The following NRAP variants were observed in gnomAD, a reference collection of about 807,000 sequenced individuals.
NRAP encodes the protein nebulin-related-anchoring protein.
In NRAP, 189 loss-of-function variants were observed where a neutral mutation model predicts 225.9. The observed-to-expected ratio is 0.84, with a 90% CI of 0.74 to 0.94. The LOEUF (loss-of-function observed/expected upper bound fraction) is 0.94, where lower values mean the gene tolerates loss of function less well. Among genes scored for constraint, NRAP ranks in the 40% least tolerant of loss-of-function variants. NRAP has a pLI of 0.00. For synonymous variants in NRAP, 769 were observed against 790.7 expected, an observed-to-expected ratio of 0.97 and a Z score of 0.46; for missense variants, 2,176 against 2,168.7, an observed-to-expected ratio of 1.00 and a Z score of -0.07.
rs562981864 is a variant in NRAP at position 113,661,104 on chromosome 10, A to G, written c.255+1575T>C. 2.0e-5 allele frequency among the ~76,000 whole-genome samples: 3 copies of G among 152,310 alleles called. No individual in the cohort carries two copies. The East Asian group carries it at 5.8e-4, about 29-fold the overall frequency. On this transcript the variant is annotated intron_variant, in intron 3 of 41. Transcript: ENST00000359988. ...CACCAAGAGATGAAAACAAAGTCCT[A>G]AAAGAATTAGGCTTCTCAGTAACCT... is the stretch of plus-strand genomic sequence containing the variant.
Position 113,597,179 on chromosome 10 carries a change from C to A in NRAP, c.4338G>T (p.Lys1446Asn). ...KKAGELISET[K>N]YRKKPDSIKF... ...TGATACTGTCTGGTTTTTTACGGTA[C>A]TTGGTCTATAAGATAAAGACAAAGA... Residue 1446 changes from lysine (K) to asparagine (N), a missense_variant, in exon 37 of 42, where the codon AAG becomes AAT. By Grantham distance (94) the Lys-to-Asn change is moderately conservative (BLOSUM62 0). This residue lies in a region of NRAP where 445 missense variants were observed against 426.1 expected (regional missense o/e 1.04). Transcript: ENST00000359988. 1 of 1,602,752 alleles carries A rather than the reference C, an allele frequency of 6.2e-7. No individual in the cohort carries two copies. Among genetic ancestry groups the A allele is most frequent in the Non-Finnish European group, 8.6e-7 (1 of 1,169,548 alleles).
At position 113,604,616 on chromosome 10, in the gene NRAP, T is replaced by C. The variant is rs143446169; in HGVS notation, c.4220A>G (p.Gln1407Arg). The change falls in exon 35 of 42, where the codon CAG (glutamine) becomes CGG (arginine). Residue 1407 changes from glutamine (Q) to arginine (R), a missense_variant. Gln to Arg is a conservative substitution (Grantham distance 43). Around this residue, in one of 3 missense-constraint regions of NRAP, gnomAD observed 445 missense variants for 426.1 expected, o/e 1.04. Transcript: ENST00000359988. ...MAWAKKAHAL[Q>R]SELRYKSDLI... is the part of the protein sequence containing the mutation. ...CCACAAGGCCACCCCTACCTCACTC[T>C]GCAGGGCATGGGCTTTCTTGGCCCA... The C allele has an allele frequency of 2.5e-6, 4 of 1,613,034 alleles. No individual in the cohort carries two copies. The African/African-American group carries it at 4.0e-5, about 16-fold the overall frequency.
intron 29 of NRAP, among the ~76,000 whole-genome samples, chr10:113,612,732 C>G (rs943407506): frequency 1.3e-5 from 2 of 152,196 alleles, no homozygotes; most frequent in African/African-American, 4.8e-5. Flanking sequence ...TTCCCTTGCT[C>G]AAATCTTTAG....
chr10:113,633,178 C>A lies in NRAP; in HGVS notation c.1538G>T (p.Arg513Leu). 6.3e-7 allele frequency: 1 copy of A among 1,574,988 alleles called. No individual in the cohort carries two copies. The highest frequency in any genetic ancestry group is 1.3e-5 in the African/African-American group (1 of 74,114). Residue 513 changes from arginine to leucine, a missense_variant, in exon 16 of 42, where the codon CGT becomes CTT. Arg to Leu is a moderately radical substitution (Grantham distance 102). Transcript: ENST00000359988. ...NAQQLSHVNYRADYEKNKLNY... is the reference protein window; with the variant it reads ...NAQQLSHVNYLADYEKNKLNY... ...CAACTTATTTTTCTCATAGTCAGCACGGTAATTCACCTGTTGGATTTAAAA... is the reference window on the plus strand; with the variant it reads ...CAACTTATTTTTCTCATAGTCAGCAAGGTAATTCACCTGTTGGATTTAAAA...
chr10:113,599,538 C>G (rs993455718), intron 35 of NRAP, among the ~76,000 whole-genome samples: 4 of 152,118 alleles, frequency 2.6e-5, no homozygotes, highest in Non-Finnish European at 5.9e-5. Context: ...TTCAACTTGC[C>G]TTTTGTTGAG....
intron 25 of NRAP, 108 bp from the exon 26 acceptor site, chr10:113,617,661 A>G: frequency 1.4e-6 from 1 of 731,778 alleles, no homozygotes; most frequent in Non-Finnish European, 2.5e-6. Flanking sequence ...TGTGAACACA[A>G]TTATTATTCT....
At chr10:113,635,392 T>A (rs1010286405) in intron 14 of NRAP, among the ~76,000 whole-genome samples, 3 of 151,906 alleles carry the variant, frequency 2.0e-5, no homozygotes, top group African/African-American at 7.3e-5. Context: ...GAGGGAGAGG[T>A]TGTGGATAGC....
At chr10:113,591,363 T>C (rs1845980176) in intron 39 of NRAP, among the ~76,000 whole-genome samples, 2 of 152,354 alleles carry the variant, frequency 1.3e-5, no homozygotes, top group South Asian at 2.1e-4. Flanking sequence ...GCTTTTTACA[T>C]TTCCAATGCA....
At chr10:113,592,782 C>G (rs1438684944) in intron 38 of NRAP, among the ~76,000 whole-genome samples, 1 of 152,202 alleles carries the variant, frequency 6.6e-6, no homozygotes, top group Non-Finnish European at 1.5e-5. Context: ...TGATGCCATG[C>G]CTTGCACCAT....
rs906358268 is a variant in NRAP, at chr10:113,654,093, A to C, written c.393T>G (p.Asn131Lys). Residue 131 changes from asparagine to lysine, a missense_variant, in exon 5 of 42, where the codon AAT (asparagine) becomes AAG (lysine). This residue lies in a region of NRAP where 1,708 missense variants were observed against 1,695.5 expected (regional missense o/e 1.01). Transcript: ENST00000359988. ...RAYWTGYGEG[N>K]AWCPGALPDP... ...CTGGCAGAGCTCCTGGGCACCAAGC[A>C]TTCCCTTCCCCATATCCAGTCCAAT... The C allele has an allele frequency of 6.2e-7, 1 of 1,613,554 alleles. No homozygotes were observed. The highest frequency in any genetic ancestry group is 8.5e-7 in the Non-Finnish European group (1 of 1,179,620).
At position 113,651,825 on chromosome 10, in the gene NRAP, G is replaced by A; in HGVS notation, c.653C>T (p.Ala218Val). Residue 218 changes from alanine (A) to valine (V), a missense_variant, in exon 7 of 42, where the codon GCT becomes GTT. Ala to Val is a moderately conservative substitution (Grantham distance 64). Transcript: ENST00000359988. Reference sequence around the variant, plus strand: ...TACATCACTTTGAAGCTGTGCCCCAGCCTTGCTCCGTAGCAGCTCAGGAGT... The same window carrying A: ...TACATCACTTTGAAGCTGTGCCCCAACCTTGCTCCGTAGCAGCTCAGGAGT... ...VDTPELLRSK[A>V]GAQLQSDVRY... 1 of 1,612,112 alleles carries A rather than the reference G, an allele frequency of 6.2e-7. No homozygotes were observed.
Position 113,604,660 on chromosome 10 carries a change from G to A in NRAP, c.4176C>T (p.Pro1392=), listed in dbSNP as rs780260000. ...RTQYHKFTAL[P]EDLKMAWAKK... ...TGGCCCAGGCCATCTTCAGGTCCTC[G>A]GGCAGTGCTGTGAACTTGTGATACT... Residue 1392 remains proline, a synonymous_variant, in exon 35 of 42, where the codon CCC becomes CCT. Transcript: ENST00000359988. The A allele has an allele frequency of 1.9e-5, 30 of 1,614,038 alleles. No individual in the cohort carries two copies. The highest frequency in any genetic ancestry group is 6.7e-5 in the East Asian group (3 of 44,894).
At chr10:113,589,876 A>AAGGCAGCCACAGT in intron 40 of NRAP, 79 bp from the exon 41 acceptor site, 1 of 1,500,958 alleles carries the variant, frequency 6.7e-7, no homozygotes, top group Non-Finnish European at 9.1e-7. Context: ...GAAGATTAAA[A>AAGGCAGCCACAGT]AGGCAGCCAC....
chr10:113,641,605 C>A (rs983936629), intron 12 of NRAP, 133 bp from the exon 13 acceptor site: 8 of 582,392 alleles, frequency 1.4e-5, no homozygotes, highest in South Asian at 7.3e-5. Flanking sequence ...CAACGTATCA[C>A]AGAATAAAAA....
At chr10:113,642,680 C>T (rs1195084423) in intron 12 of NRAP, among the ~76,000 whole-genome samples, 1 of 152,198 alleles carries the variant, frequency 6.6e-6, no homozygotes, top group East Asian at 1.9e-4. Context: ...GTGCTGCACA[C>T]AAGGGAAGCA....
At position 113,648,437 on chromosome 10, in the gene NRAP, T is replaced by TTCTCTCTCTCTCTCTC. The variant is rs376144953; in HGVS notation, c.889-1426_889-1411dup. On this transcript the variant is annotated intron_variant, in intron 9 of 41. Transcript: ENST00000359988. ...TTTGTGTTTGTAACTTTATTTTAGT[T>TTCTCTCTCTCTCTCTC]TCTCTCTCTCTCTCTCTCTCTCTCT... Among the ~76,000 whole-genome samples the TTCTCTCTCTCTCTCTC allele has an allele frequency of 7.9e-4, 52 of 66,034 alleles. 1 individual carries two copies. The highest frequency in any genetic ancestry group is 5.9e-3 in the East Asian group (11 of 1,850). 43.3% of individuals were successfully genotyped at this position (66,034 alleles called of 152,430 possible). A position where few individuals can be genotyped will look rare whatever the true frequency, so the allele number is the denominator to read the frequency against.
At chr10:113,629,167 C>T (rs937119490) in intron 19 of NRAP, 146 bp from the exon 20 acceptor site, 3 of 687,688 alleles carry the variant, frequency 4.4e-6, no homozygotes, top group African/African-American at 3.5e-5. Flanking sequence ...CAGATCTCCA[C>T]TTGGGAGGTA....
intron 21 of NRAP, among the ~76,000 whole-genome samples, chr10:113,625,145 C>A (rs1848214879): frequency 6.6e-6 from 1 of 152,150 alleles, no homozygotes; most frequent in African/African-American, 2.4e-5. Flanking sequence ...AAAAATGCAG[C>A]AGGGAGCCAA....
intron 21 of NRAP, among the ~76,000 whole-genome samples, chr10:113,625,833 T>C (rs1241504892): frequency 2.0e-5 from 3 of 152,126 alleles, no homozygotes; most frequent in Non-Finnish European, 2.9e-5. Context: ...CTATCCCTAA[T>C]AAAATCGGGG....
Sources: allele counts gnomAD v4.1 joint callset (sites outside exome capture counted in the v4.1 genomes callset), GRCh38; gene constraint gnomAD v4.1.1; regional missense constraint gnomAD v4.1.1; transcripts MANE v1.5; gene names NCBI Gene and HGNC (gene_info 2026-07-23, HGNC 2026-07-21).